Variants in ERC2 observed in about 807,000 individuals in gnomAD.
ERC2 encodes ELKS/RAB6-interacting/CAST family member 2.
Under a neutral mutation model 114.8 loss-of-function variants are expected in ERC2, and 42 were observed. The observed-to-expected ratio is 0.37, with a 90% CI of 0.29 to 0.47. The LOEUF is 0.47. Among genes scored for constraint, ERC2 ranks in the 20% least tolerant of loss-of-function variants. ERC2 has a pLI of 0.99. For missense variants in ERC2, 939 were observed against 1,150.7 expected, an observed-to-expected ratio of 0.82 and a Z score of 2.66; for synonymous variants, 454 against 425.5, an observed-to-expected ratio of 1.07 and a Z score of -0.82.
intron 7 of ERC2, among the ~76,000 whole-genome samples, chr3:56,079,396 A>T (rs2077123800): frequency 1.3e-5 from 2 of 152,282 alleles, no homozygotes; most frequent in South Asian, 4.1e-4. Flanking sequence ...ATGTCCCCAT[A>T]AAAGCTACAG....
At chr3:55,940,424 A>C (rs575850369) in intron 13 of ERC2, among the ~76,000 whole-genome samples, 1 of 152,142 alleles carries the variant, frequency 6.6e-6, no homozygotes, top group African/African-American at 2.4e-5. Context: ...GAGGTCCAAA[A>C]GGCCTTCCAG....
rs1576096988 is a variant in ERC2 at position 55,679,366 on chromosome 3, G to A, written c.*39+4428C>T. On this transcript the variant is annotated intron_variant, in intron 17 of 17. Coordinates refer to ENST00000288221, the MANE Select transcript of ERC2 (RefSeq NM_015576.3). ...ACTTGGCTTAAAACTTACTTCCTTG[G>A]AGAGATGCTTGCTGAACATCCTTCC... 9.9e-5 allele frequency among the ~76,000 whole-genome samples: 15 copies of A among 152,276 alleles called. No individual in the cohort carries two copies. The South Asian group carries it at 2.9e-3, about 29-fold the overall frequency.
At chr3:56,160,123 T>G (rs1374453992) in intron 4 of ERC2, among the ~76,000 whole-genome samples, 2 of 152,206 alleles carry the variant, frequency 1.3e-5, no homozygotes, top group East Asian at 3.9e-4. Context: ...CAACAGTGTA[T>G]AAGCGTTTCC....
At chr3:55,527,545 A>AG (rs1428376738) in intron 17 of ERC2, among the ~76,000 whole-genome samples, 1 of 152,184 alleles carries the variant, frequency 6.6e-6, no homozygotes, top group African/African-American at 2.4e-5. Context: ...TCTGTGACAT[A>AG]GGGCAAGGGT....
chr3:55,573,536 C>T (rs191311949), intron 17 of ERC2, among the ~76,000 whole-genome samples: 3 of 152,180 alleles, frequency 2.0e-5, no homozygotes, highest in African/African-American at 7.2e-5. Context: ...TAGTTGGAGG[C>T]AGGCCCTGAT....
chr3:56,291,821 C>T (rs2055105149), intron 3 of ERC2, among the ~76,000 whole-genome samples: 1 of 140,968 alleles, frequency 7.1e-6, no homozygotes, highest in Admixed American at 7.0e-5. Flanking sequence ...ATTCTTTCTA[C>T]TAAAAAAAAA....
chr3:56,105,110 G>A (rs1242137688), intron 6 of ERC2, among the ~76,000 whole-genome samples: 3 of 151,892 alleles, frequency 2.0e-5, no homozygotes, highest in Non-Finnish European at 4.4e-5. Context: ...AAAAAACAAA[G>A]ATGGGCAGAT....
At chr3:56,353,729 C>T (rs1003246046) in intron 2 of ERC2, among the ~76,000 whole-genome samples, 20 of 151,282 alleles carry the variant, frequency 1.3e-4, no homozygotes, top group African/African-American at 2.9e-4. Flanking sequence ...GGGTGCAGCA[C>T]GCCAACATGG....
intron 12 of ERC2, among the ~76,000 whole-genome samples, chr3:55,984,067 G>A (rs1185813095): frequency 6.6e-6 from 1 of 152,114 alleles, no homozygotes; most frequent in Non-Finnish European, 1.5e-5. Flanking sequence ...CACAATGATT[G>A]CACATTTTCA....
chr3:55,527,719 T>C (rs2053419130), intron 17 of ERC2, among the ~76,000 whole-genome samples: 1 of 152,128 alleles, frequency 6.6e-6, no homozygotes, highest in Admixed American at 6.5e-5. Flanking sequence ...CTGGAATGAA[T>C]GAATGAATGA....
chr3:56,042,992 A>G (rs761201917), intron 7 of ERC2, among the ~76,000 whole-genome samples: 2 of 152,180 alleles, frequency 1.3e-5, no homozygotes, highest in African/African-American at 2.4e-5. Flanking sequence ...GAAATATTTT[A>G]TGATTTCAAA....
intron 17 of ERC2, among the ~76,000 whole-genome samples, chr3:55,608,617 T>G (rs1459719836): frequency 6.6e-6 from 1 of 152,220 alleles, no homozygotes; most frequent in Non-Finnish European, 1.5e-5. Flanking sequence ...GGCTTCCTTC[T>G]GAAAAAATAA....
At chr3:56,162,811 G>T (rs1277616545) in intron 4 of ERC2, among the ~76,000 whole-genome samples, 1 of 151,904 alleles carries the variant, frequency 6.6e-6, no homozygotes, top group Non-Finnish European at 1.5e-5. Context: ...TCTGTTCAAA[G>T]AACCAATTTT....
chr3:56,288,753 G>A (rs926286123), intron 3 of ERC2, among the ~76,000 whole-genome samples: 14 of 152,122 alleles, frequency 9.2e-5, no homozygotes, highest in South Asian at 4.1e-4. Flanking sequence ...TGGAGTACTC[G>A]GAGAAAATGG....
intron 7 of ERC2, among the ~76,000 whole-genome samples, chr3:56,039,045 G>A (rs971608001): frequency 7.9e-5 from 12 of 152,006 alleles, no homozygotes; most frequent in East Asian, 3.9e-4. Context: ...TATTGCCATC[G>A]GGCAGACAGC....
intron 11 of ERC2, among the ~76,000 whole-genome samples, chr3:55,989,638 T>C (rs928739147): frequency 6.6e-6 from 1 of 152,184 alleles, no homozygotes; most frequent in Non-Finnish European, 1.5e-5. Context: ...AGCCCTGAGT[T>C]TGAATCCTGA....
chr3:55,936,180 T>C (rs1256097445), intron 13 of ERC2, among the ~76,000 whole-genome samples: 1 of 152,200 alleles, frequency 6.6e-6, no homozygotes, highest in East Asian at 1.9e-4. Flanking sequence ...GGCACTCTTC[T>C]CTTCCCTCAC....
At chr3:56,388,301 A>AC (rs2060006499) in intron 2 of ERC2, among the ~76,000 whole-genome samples, 1 of 151,868 alleles carries the variant, frequency 6.6e-6, no homozygotes, top group South Asian at 2.1e-4. Flanking sequence ...ATGAGTTCTC[A>AC]CTCTGTGAGT....
chr3:55,512,077 A>G (rs7640205), intron 17 of ERC2, among the ~76,000 whole-genome samples: 2,009 of 152,192 alleles, frequency 0.013, 44 homozygotes, highest in African/African-American at 0.046. Context: ...GATCAAACAT[A>G]CACACACACA....
Sources: allele counts gnomAD v4.1 joint callset (sites outside exome capture counted in the v4.1 genomes callset), GRCh38; gene constraint gnomAD v4.1.1; transcripts MANE v1.5; gene names NCBI Gene and HGNC (gene_info 2026-07-23, HGNC 2026-07-21).